Variants in CARS1 observed in about 807,000 individuals in gnomAD.
CARS1 encodes the protein cysteinyl-tRNA synthetase 1.
In CARS1, 48 loss-of-function variants were observed where a neutral mutation model predicts 106.2. The observed-to-expected ratio is 0.45, with a 90% CI of 0.36 to 0.57. The LOEUF is 0.57. Among genes scored for constraint, CARS1 ranks in the 20% least tolerant of loss-of-function variants. The pLI, the probability that CARS1 is intolerant of heterozygous loss-of-function variation, is 0.00. For missense variants in CARS1, 968 were observed against 1,057.2 expected, an observed-to-expected ratio of 0.92 and a Z score of 1.17; for synonymous variants, 409 against 403.4, an observed-to-expected ratio of 1.01 and a Z score of -0.17.
chr11:3,026,867 A>T (rs1386479426), intron 9 of CARS1, 70 bp from the exon 10 acceptor site: 1 of 1,544,728 alleles, frequency 6.5e-7, no homozygotes, highest in East Asian at 2.3e-5. Context: ...GGATGACAGT[A>T]ACAAAATAAA....
intron 18 of CARS1, chr11:3,007,283 A>G (rs1849975190): frequency 2.5e-6 from 1 of 399,214 alleles, no homozygotes; most frequent in Non-Finnish European, 4.5e-6. Context: ...AAAGGGACAC[A>G]AGTTGGGCCG....
Position 3,046,135 on chromosome 11 carries a change from C to T in CARS1, c.274+1618G>A, listed in dbSNP as rs1384075579. On this transcript the variant is annotated intron_variant, in intron 2 of 22. Coordinates refer to ENST00000380525, the MANE Select transcript of CARS1 (RefSeq NM_001014437.3). The surrounding 1 kb of genome is among the most constrained non-coding windows in gnomAD (Gnocchi z 5.8). ...CCATTAGTGCTATCCATGGTCCATT[C>T]TGTTACACAGCAACGTGGCTCTGCT... 1.3e-5 allele frequency among the ~76,000 whole-genome samples: 2 copies of T among 152,220 alleles called. No homozygotes were observed. The highest frequency in any genetic ancestry group is 2.9e-5 in the Non-Finnish European group (2 of 68,034).
chr11:3,029,489 C>A lies in CARS1; in HGVS notation c.802-46G>T, dbSNP rs776529585. Reference sequence around the variant, plus strand: ...ATCCAGCAGCGGGCCACACACTTCACATGAGAACATCTCGTGCAGCTGGTG... The same window carrying A: ...ATCCAGCAGCGGGCCACACACTTCAAATGAGAACATCTCGTGCAGCTGGTG... On this transcript the variant is annotated intron_variant, in intron 7 of 22. Coordinates refer to ENST00000380525, the MANE Select transcript of CARS1 (RefSeq NM_001014437.3). The surrounding 1 kb of genome is among the most constrained non-coding windows in gnomAD (Gnocchi z 5.9). 21 of 1,601,846 alleles carry A rather than the reference C, an allele frequency of 1.3e-5. No individual in the cohort carries two copies. The South Asian group carries it at 2.3e-4, about 18-fold the overall frequency.
intron 7 of CARS1, among the ~76,000 whole-genome samples, chr11:3,036,727 G>A (rs1275215179): frequency 3.9e-5 from 6 of 152,162 alleles, no homozygotes; most frequent in Non-Finnish European, 8.8e-5. Flanking sequence ...GTACACCCAG[G>A]TTTATAGCAG....
At chr11:3,042,059 C>T in intron 3 of CARS1, 106 bp downstream of exon 3, 2 of 756,852 alleles carry the variant, frequency 2.6e-6, no homozygotes, top group Non-Finnish European at 4.4e-6. Flanking sequence ...ACTCCAGATC[C>T]CAACACAAGG....
rs1236626121 is a variant in CARS1, at chr11:3,021,715, A to G, written c.1154-1383T>C. Among the ~76,000 whole-genome samples the G allele has an allele frequency of 6.6e-6, 1 of 152,242 alleles. No individual in the cohort carries two copies. Among genetic ancestry groups the G allele is most frequent in the African/African-American group, 2.4e-5 (1 of 41,462 alleles). On this transcript the variant is annotated intron_variant, in intron 10 of 22. Coordinates refer to ENST00000380525, the MANE Select transcript of CARS1 (RefSeq NM_001014437.3). The surrounding 1 kb of genome is among the most constrained non-coding windows in gnomAD (Gnocchi z 5.3). The stretch of plus-strand genomic sequence containing the variant: ...TATACTGATTCCCAGATTAAAAAAC[A>G]AACACACAAAAACACAAAAAACCTC...
rs1564801628 is a variant in CARS1 at position 3,054,924 on chromosome 11, CCT to C, written c.25+2417_25+2418del. The C allele has an allele frequency of 1.4e-5, 10 of 702,430 alleles. No individual in the cohort carries two copies. In the Admixed American group the frequency reaches 1.8e-4, roughly 13 times the overall value. The allele number at this position is 702,430 out of a possible 1,614,324, so 43.5% of individuals were successfully genotyped here. On this transcript the variant is annotated intron_variant, in intron 1 of 22. Coordinates refer to ENST00000380525, the MANE Select transcript of CARS1 (RefSeq NM_001014437.3). The stretch of plus-strand genomic sequence containing the variant: ...GTATCCCAAGTCTGTGCGGAAAGGC[CCT>C]GAGGTAGGCTCCATCTACCCCAGAA...
chr11:3,026,237 CACAA>C (rs1852063336), intron 10 of CARS1, among the ~76,000 whole-genome samples: 2 of 152,136 alleles, frequency 1.3e-5, no homozygotes, highest in Admixed American at 6.5e-5. Flanking sequence ...GGTTTCTAGG[CACAA>C]ACACACAGAC....
At chr11:3,049,461 A>C (rs1354606293) in intron 1 of CARS1, among the ~76,000 whole-genome samples, 2 of 152,222 alleles carry the variant, frequency 1.3e-5, no homozygotes, top group African/African-American at 2.4e-5. Context: ...CCACGTCCCT[A>C]AAGTGGGGGC....
Position 3,012,221 on chromosome 11 carries a change from A to C in CARS1, c.2042T>G (p.Val681Gly). 1 of 1,613,910 alleles carries C rather than the reference A, an allele frequency of 6.2e-7. No individual in the cohort carries two copies. The highest frequency in any genetic ancestry group is 8.5e-7 in the Non-Finnish European group (1 of 1,179,944). The change falls in exon 18 of 23, where the codon GTG becomes GGG. Residue 681 changes from valine (V) to glycine (G), a missense_variant. Physicochemically the swap from Val to Gly is moderately radical, Grantham distance 109. Transcript: ENST00000380525. ...TTTTTGCTCTCGGGCAATCTTCCGC[A>C]CTCCTTCTCGGAATTCTGATAACAC... Reference protein sequence around the residue: ...LQVLSEFREGVRKIAREQKVP... With the variant: ...LQVLSEFREGGRKIAREQKVP...
At chr11:3,036,214 G>T (rs537025448) in intron 7 of CARS1, among the ~76,000 whole-genome samples, 2 of 152,304 alleles carry the variant, frequency 1.3e-5, no homozygotes, top group Non-Finnish European at 2.9e-5. Context: ...TCTGCTCCTC[G>T]CTGTGTCACT....
chr11:3,001,280 T>C, intron 22 of CARS1, 32 bp from the exon 23 acceptor site: 2 of 1,609,366 alleles, frequency 1.2e-6, no homozygotes, highest in Non-Finnish European at 1.7e-6. Context: ...GCTATTGGTC[T>C]CCTCTGCACC....
At position 3,021,891 on chromosome 11, in the gene CARS1, T is replaced by C. The variant is rs1336747305; in HGVS notation, c.1154-1559A>G. Among the ~76,000 whole-genome samples the C allele has an allele frequency of 2.0e-5, 3 of 152,344 alleles. No individual in the cohort carries two copies. The highest frequency in any genetic ancestry group is 1.9e-4 in the East Asian group (1 of 5,186). The stretch of plus-strand genomic sequence containing the variant: ...CTTTTAGATGCTCTTTGATAGAAAA[T>C]ATACATTCACGTTTTCAACTTTTCA... On this transcript the variant is annotated intron_variant, in intron 10 of 22. Coordinates refer to ENST00000380525, the MANE Select transcript of CARS1 (RefSeq NM_001014437.3). The surrounding 1 kb of genome is among the most constrained non-coding windows in gnomAD (Gnocchi z 5.3).
intron 17 of CARS1, among the ~76,000 whole-genome samples, chr11:3,015,333 C>T (rs559104371): frequency 6.6e-6 from 1 of 152,366 alleles, no homozygotes; most frequent in East Asian, 1.9e-4. Context: ...TGCCCAGCCC[C>T]ATGGGGACCG....
At chr11:3,005,787 AT>A (rs1431521951) in intron 19 of CARS1, among the ~76,000 whole-genome samples, 3 of 151,962 alleles carry the variant, frequency 2.0e-5, no homozygotes, top group Admixed American at 6.6e-5. Context: ...AATGTTTTGT[AT>A]TTTAGTGGAG....
Position 3,045,605 on chromosome 11 carries a change from A to G in CARS1, c.274+2148T>C, listed in dbSNP as rs747527599. 1.6e-4 allele frequency among the ~76,000 whole-genome samples: 24 copies of G among 151,892 alleles called. No homozygotes were observed. Among genetic ancestry groups the G allele is most frequent in the Non-Finnish European group, 2.4e-4 (16 of 67,886 alleles). ...TGTCTGAGAGGATCTTGGAGACAGG[A>G]CACAGAAGGCACATGGGAGGAGCTG... On this transcript the variant is annotated intron_variant, in intron 2 of 22. Coordinates refer to ENST00000380525, the MANE Select transcript of CARS1 (RefSeq NM_001014437.3). The surrounding 1 kb of genome is among the most constrained non-coding windows in gnomAD (Gnocchi z 5.6).
In CARS1 at chr11:3,022,981, CT is replaced by C. The variant is rs1851715310; in HGVS notation, c.1154-2650del. Among the ~76,000 whole-genome samples, 2 of 152,192 alleles carry C rather than the reference CT, an allele frequency of 1.3e-5. No individual in the cohort carries two copies. The highest frequency in any genetic ancestry group is 4.8e-5 in the African/African-American group (2 of 41,438). ...TCATGTGCCCACGTCTGATCACTGA[CT>C]GTGGAGGGGTGGAAATCCATGTCCC... On this transcript the variant is annotated intron_variant, in intron 10 of 22. Transcript: ENST00000380525. The surrounding 1 kb of genome is among the most constrained non-coding windows in gnomAD (Gnocchi z 4.9).
Position 3,050,704 on chromosome 11 carries a change from T to C in CARS1, c.26-2703A>G, listed in dbSNP as rs1178925825. On this transcript the variant is annotated intron_variant, in intron 1 of 22. Coordinates refer to ENST00000380525, the MANE Select transcript of CARS1 (RefSeq NM_001014437.3). This position sits in a 1 kb window ranked among gnomAD's most constrained non-coding sequence, Gnocchi z 6.3. ...ACCCTAGTCACATGGCCCCTCCACC[T>C]GCTGCTCTTTTTTTAGGGGGCATGC... Among the ~76,000 whole-genome samples the C allele has an allele frequency of 3.9e-5, 6 of 152,178 alleles. No homozygotes were observed. The East Asian group carries it at 9.6e-4, about 24-fold the overall frequency.
chr11:3,026,770 A>C lies in CARS1; in HGVS notation c.1059T>G (p.Phe353Leu). 1.9e-6 allele frequency: 3 copies of C among 1,613,778 alleles called. No homozygotes were observed. Among genetic ancestry groups the C allele is most frequent in the Non-Finnish European group, 2.5e-6 (3 of 1,179,884 alleles). ...YGYVSNGSVY[F>L]DTAKFASSEK... ...CGCTAGAAGCAAACTTCGCTGTATC[A>C]AAGTAGACAGACCCATTGGAGACAT... Residue 353 changes from phenylalanine (F) to leucine (L), a missense_variant, in exon 10 of 23, where the codon TTT becomes TTG. Phe to Leu is a conservative substitution (Grantham distance 22, BLOSUM62 0). Coordinates refer to ENST00000380525, the MANE Select transcript of CARS1 (RefSeq NM_001014437.3).
Sources: gnomAD v4.1 joint callset for allele counts (sites outside exome capture counted in the v4.1 genomes callset) on GRCh38, gnomAD v4.1.1 for gene constraint, Gnocchi (gnomAD v3.1) non-coding constraint, MANE v1.5 for transcripts, NCBI Gene and HGNC (gene_info 2026-07-23, HGNC 2026-07-21) for gene names.